Variants in NAA35 observed in about 807,000 individuals in gnomAD.
NAA35 encodes the protein N-alpha-acetyltransferase 35, NatC auxiliary subunit, also known as MAK10 homolog, amino-acid N-acetyltransferase subunit.
In NAA35, 18 loss-of-function variants were observed where a neutral mutation model predicts 101.7. That is an observed-to-expected ratio of 0.18 (90% CI 0.12 to 0.26). NAA35 has a LOEUF of 0.26. Among genes scored for constraint, NAA35 ranks in the 10% least tolerant of loss-of-function variants. The pLI, the probability that NAA35 is intolerant of heterozygous loss-of-function variation, is 1.00. For missense variants in NAA35, 601 were observed against 886.8 expected, an observed-to-expected ratio of 0.68 and a Z score of 4.09; for synonymous variants, 267 against 273.1, an observed-to-expected ratio of 0.98 and a Z score of 0.22.
intron 6 of NAA35, among the ~76,000 whole-genome samples, chr9:85,963,029 A>G (rs867555498): frequency 6.6e-6 from 1 of 152,198 alleles, no homozygotes; most frequent in Non-Finnish European, 1.5e-5. Context: ...GACTACAAAA[A>G]AAAGAATTGT....
intron 14 of NAA35, 122 bp downstream of exon 14, chr9:86,007,586 T>C: frequency 1.6e-6 from 1 of 620,790 alleles, no homozygotes; most frequent in Non-Finnish European, 2.8e-6. Flanking sequence ...GTAAAGTAAC[T>C]TAATAGTGTT....
chr9:85,946,888 G>T (rs573754477), intron 2 of NAA35, among the ~76,000 whole-genome samples: 1 of 152,144 alleles, frequency 6.6e-6, no homozygotes, highest in African/African-American at 2.4e-5. Flanking sequence ...TAGTACTTTA[G>T]GAAAATTCCT....
At chr9:85,992,047 G>A (rs1587628878) in intron 11 of NAA35, among the ~76,000 whole-genome samples, 1 of 152,098 alleles carries the variant, frequency 6.6e-6, no homozygotes, top group African/African-American at 2.4e-5. Flanking sequence ...GGTGGCGGGC[G>A]CCTGTAGTCC....
chr9:85,977,547 C>G (rs1830267494), intron 10 of NAA35, 101 bp downstream of exon 10: 1 of 752,674 alleles, frequency 1.3e-6, no homozygotes, highest in South Asian at 1.5e-5. Flanking sequence ...TGCTCCTGAT[C>G]CCAGATATAC....
At chr9:85,960,531 A>G (rs563140839) in intron 5 of NAA35, among the ~76,000 whole-genome samples, 4 of 152,322 alleles carry the variant, frequency 2.6e-5, no homozygotes, top group Admixed American at 6.5e-5. Context: ...TATGTTTTAC[A>G]TGAGCTTTAT....
At chr9:85,949,573 G>A (rs1013375830) in intron 2 of NAA35, among the ~76,000 whole-genome samples, 16 of 152,064 alleles carry the variant, frequency 1.1e-4, no homozygotes, top group African/African-American at 2.7e-4. Context: ...GATTACAGGC[G>A]TGAGCCACTG....
intron 5 of NAA35, among the ~76,000 whole-genome samples, chr9:85,961,635 G>T (rs190675579): frequency 8.8e-4 from 134 of 152,252 alleles, no homozygotes; most frequent in African/African-American, 2.4e-3. Context: ...GTGTTGGCTG[G>T]GTTGTGGTGG....
At chr9:85,989,342 G>A (rs1314479197) in intron 11 of NAA35, among the ~76,000 whole-genome samples, 1 of 151,926 alleles carries the variant, frequency 6.6e-6, no homozygotes, top group Non-Finnish European at 1.5e-5. Flanking sequence ...GTGGTAGTGG[G>A]CGCCTGTAAT....
chr9:85,969,571 G>A (rs931915132), intron 6 of NAA35, among the ~76,000 whole-genome samples: 8 of 152,190 alleles, frequency 5.3e-5, no homozygotes, highest in Middle Eastern at 6.8e-3. Context: ...TATTCCTCTT[G>A]TTAAATCTAT....
Position 85,956,346 on chromosome 9 carries a change from C to CT in NAA35, c.125-3dup, listed in dbSNP as rs374157527. The stretch of plus-strand genomic sequence containing the variant: ...ATAAATATGTTCAAAGGGTTTTTCT[C>CT]TTTTTTTTTTTAGAATTAAAGTTGG... On this transcript the variant is annotated splice_polypyrimidine_tract_variant and intron_variant, in intron 2 of 22. Coordinates refer to ENST00000361671, the MANE Select transcript of NAA35 (RefSeq NM_024635.4). 0.043 allele frequency: 42,598 copies of CT among 979,884 alleles called. No individual in the cohort carries two copies. The highest frequency in any genetic ancestry group is 0.058 in the South Asian group (2,935 of 50,984). The allele number at this position is 979,884 out of a possible 1,614,324, so 60.7% of individuals were successfully genotyped here.
Position 85,941,677 on chromosome 9 carries a change from G to T in NAA35, c.-6+404G>T, listed in dbSNP as rs374513708. On this transcript the variant is annotated intron_variant, in intron 1 of 22. Coordinates refer to ENST00000361671, the MANE Select transcript of NAA35 (RefSeq NM_024635.4). ...CCGGCTCCTCATTGCTCCCGGCGAG[G>T]TTCTGCCTGGGTCCGGGCCGGCTCT... 6.6e-4 allele frequency: 650 copies of T among 986,258 alleles called. 3 individuals carry two copies. In the African/African-American group the frequency reaches 0.011, roughly 16 times the overall value. 61.1% of individuals were successfully genotyped at this position (986,258 alleles called of 1,614,324 possible).
intron 3 of NAA35, 82 bp downstream of exon 3, chr9:85,956,475 A>G (rs971709515): frequency 1.4e-6 from 1 of 731,640 alleles, no homozygotes; most frequent in Non-Finnish European, 2.1e-6. Flanking sequence ...TATTCCCTGA[A>G]GTTTGAGTAA....
chr9:85,956,315 TTAAATA>T (rs778737637), intron 2 of NAA35, 39 bp from the exon 3 acceptor site: 14 of 1,178,820 alleles, frequency 1.2e-5, no homozygotes, highest in African/African-American at 1.1e-4. Context: ...GAATTAAAAG[TTAAATA>T]TAAATATGTT....
At chr9:86,006,866 G>A (rs1053052532) in intron 13 of NAA35, among the ~76,000 whole-genome samples, 2 of 152,082 alleles carry the variant, frequency 1.3e-5, no homozygotes, top group Non-Finnish European at 2.9e-5. Context: ...CTAAAATACA[G>A]TGGATTGTTA....
chr9:86,005,179 C>T (rs1270364399), intron 13 of NAA35, among the ~76,000 whole-genome samples: 3 of 152,042 alleles, frequency 2.0e-5, no homozygotes, highest in Non-Finnish European at 4.4e-5. Context: ...ATAAGATTTA[C>T]CCTAAGAATC....
intron 11 of NAA35, among the ~76,000 whole-genome samples, chr9:85,988,578 T>A (rs1386622706): frequency 1.3e-5 from 2 of 152,092 alleles, no homozygotes; most frequent in Admixed American, 6.5e-5. Context: ...GGCAGGCAGA[T>A]CACCTGAGGT....
intron 8 of NAA35, 130 bp from the exon 9 acceptor site, chr9:85,976,555 T>A (rs1830220806): frequency 1.7e-6 from 1 of 590,682 alleles, no homozygotes; most frequent in Non-Finnish European, 2.8e-6. Context: ...AGACACGGCT[T>A]TTTTTCCCCA....
intron 6 of NAA35, among the ~76,000 whole-genome samples, chr9:85,973,039 T>C (rs1189106686): frequency 1.3e-5 from 2 of 152,152 alleles, no homozygotes; most frequent in African/African-American, 4.8e-5. Context: ...AAATCTCTAT[T>C]TGAGGAATTG....
intron 15 of NAA35, among the ~76,000 whole-genome samples, chr9:86,012,440 A>G (rs1288334084): frequency 6.6e-6 from 1 of 152,182 alleles, no homozygotes; most frequent in Non-Finnish European, 1.5e-5. Flanking sequence ...TAAAATGCTT[A>G]TATCTTCTCT....
Sources: allele counts gnomAD v4.1 joint callset (sites outside exome capture counted in the v4.1 genomes callset), GRCh38; gene constraint gnomAD v4.1.1; transcripts MANE v1.5; gene names NCBI Gene and HGNC (gene_info 2026-07-23, HGNC 2026-07-21).